The following NMD3 variants were observed in gnomAD, a reference collection of about 807,000 sequenced individuals.
The protein encoded by NMD3 is NMD3 ribosome export adaptor, also known as 60S ribosomal export protein NMD3.
A neutral mutation model predicts 73.1 loss-of-function variants in NMD3; 47 were observed. The observed-to-expected ratio is 0.64, with a 90% CI of 0.51 to 0.82. NMD3 has a LOEUF of 0.82. Ranked by LOEUF, NMD3 falls within the 40% of genes least tolerant of loss-of-function variation. NMD3 has a pLI of 0.00. For synonymous variants in NMD3, 210 were observed against 194.5 expected, an observed-to-expected ratio of 1.08 and a Z score of -0.66; for missense variants, 554 against 612.5, an observed-to-expected ratio of 0.90 and a Z score of 1.01.
chr3:161,248,858 C>T (rs562565425), intron 13 of NMD3, among the ~76,000 whole-genome samples: 66 of 152,082 alleles, frequency 4.3e-4, no homozygotes, highest in Non-Finnish European at 7.6e-4. Context: ...TCAAGGACTC[C>T]GACCACCTGC....
At chr3:161,225,740 A>G (rs1736286189) in intron 3 of NMD3, among the ~76,000 whole-genome samples, 3 of 152,272 alleles carry the variant, frequency 2.0e-5, no homozygotes, top group Non-Finnish European at 1.5e-5. Flanking sequence ...TTGAGTGTGT[A>G]TCTCTAGAGG....
At chr3:161,247,461 G>C (rs927479048) in intron 13 of NMD3, 131 bp downstream of exon 13, 6 of 516,388 alleles carry the variant, frequency 1.2e-5, no homozygotes, top group Non-Finnish European at 2.0e-5. Flanking sequence ...TGCAGATAAG[G>C]TATAATAGCA....
At chr3:161,246,507 C>A in intron 12 of NMD3, 59 bp downstream of exon 12, 3 of 665,338 alleles carry the variant, frequency 4.5e-6, no homozygotes, top group East Asian at 2.7e-5. Flanking sequence ...CTTTGGGAAC[C>A]AGCAAAACTA....
At chr3:161,226,509 G>T (rs1428143610) in intron 3 of NMD3, among the ~76,000 whole-genome samples, 1 of 152,104 alleles carries the variant, frequency 6.6e-6, no homozygotes, top group African/African-American at 2.4e-5. Context: ...GGAGACCTGT[G>T]TAATGTTTTT....
chr3:161,227,174 T>G, intron 3 of NMD3, 73 bp from the exon 4 acceptor site: 1 of 922,394 alleles, frequency 1.1e-6, no homozygotes, highest in Non-Finnish European at 1.7e-6. Context: ...TTGGGTTATA[T>G]CTGTGTATTC....
Position 161,249,531 on chromosome 3 carries a change from G to C in NMD3, c.1281G>C (p.Glu427Asp). Residue 427 changes from glutamate to aspartate, a missense_variant, in exon 14 of 16, where the codon GAG (glutamate) becomes GAC (aspartate). Transcript: ENST00000351193. ...GGAAATTGAAAGAGCTTGCAAGAGA[G>C]AGAGAAAACATGGATACAGATGATG... ...RNWKLKELAR[E>D]RENMDTDDER... 2 of 1,611,668 alleles carry C rather than the reference G, an allele frequency of 1.2e-6. No individual in the cohort carries two copies. The highest frequency in any genetic ancestry group is 1.7e-6 in the Non-Finnish European group (2 of 1,178,088).
At position 161,227,273 on chromosome 3, in the gene NMD3, T is replaced by C. The variant is rs1472064549; in HGVS notation, c.206T>C (p.Ile69Thr). 1.2e-6 allele frequency: 2 copies of C among 1,611,898 alleles called. No individual in the cohort carries two copies. Among genetic ancestry groups the C allele is most frequent in the South Asian group, 1.1e-5 (1 of 90,730 alleles). Residue 69 changes from isoleucine to threonine, a missense_variant, in exon 4 of 16, where the codon ATA becomes ACA. Physicochemically the swap from Ile to Thr is moderately conservative, Grantham distance 89 (BLOSUM62 -1). Coordinates refer to ENST00000351193, the MANE Select transcript of NMD3 (RefSeq NM_015938.5). The part of the protein sequence containing the change: ...QRYFQPPGTW[I>T]QCALESRELL... ...TATTTTCAACCACCAGGAACTTGGA[T>C]ACAGTGTGCTTTAGAATCCAGGGAA... is the stretch of plus-strand genomic sequence containing the variant.
chr3:161,240,356 T>A (rs542704830), intron 9 of NMD3, among the ~76,000 whole-genome samples: 1 of 152,150 alleles, frequency 6.6e-6, no homozygotes, highest in Non-Finnish European at 1.5e-5. Flanking sequence ...TTGAAGTTTA[T>A]TTTTTAATGG....
Position 161,241,218 on chromosome 3 carries a change from A to G in NMD3, c.871+55A>G, listed in dbSNP as rs73026968. ...ATTTTGTTTTGTATGACAAACAATA[A>G]TAATTTGTGTTGTTAATTTTTCAAG... On this transcript the variant is annotated intron_variant, in intron 10 of 15. Transcript: ENST00000351193. 20,903 of 1,008,276 alleles carry G rather than the reference A, an allele frequency of 0.021. 1,325 individuals carry two copies. Among genetic ancestry groups the G allele is most frequent in the African/African-American group, 0.14 (8,747 of 62,272 alleles). The allele number at this position is 1,008,276 out of a possible 1,614,324, so 62.5% of individuals were successfully genotyped here. A position where few individuals can be genotyped will look rare whatever the true frequency, so the allele number is the denominator to read the frequency against.
chr3:161,222,664 G>T (rs1221162468), intron 2 of NMD3, among the ~76,000 whole-genome samples: 3 of 151,528 alleles, frequency 2.0e-5, no homozygotes, highest in Admixed American at 6.6e-5. Context: ...ACTTTTAAAC[G>T]ATAATCCTGG....
intron 7 of NMD3, among the ~76,000 whole-genome samples, chr3:161,236,013 T>A (rs577617617): frequency 1.7e-4 from 26 of 152,180 alleles, no homozygotes; most frequent in African/African-American, 6.3e-4. Flanking sequence ...TTCCCTCAAC[T>A]CTATTTAGTT....
chr3:161,227,756 C>T (rs1463616263), intron 4 of NMD3, among the ~76,000 whole-genome samples: 5 of 152,050 alleles, frequency 3.3e-5, no homozygotes, highest in African/African-American at 7.2e-5. Flanking sequence ...TCGAAAGTAA[C>T]TATTAAATGT....
chr3:161,243,499 C>T (rs9822916), intron 11 of NMD3, among the ~76,000 whole-genome samples: 1 of 152,094 alleles, frequency 6.6e-6, no homozygotes, highest in African/African-American at 2.4e-5. Flanking sequence ...TTGGAGACCA[C>T]TCATTAAATG....
chr3:161,246,544 TA>T, intron 12 of NMD3, 96 bp downstream of exon 12: 1 of 490,614 alleles, frequency 2.0e-6, no homozygotes. Flanking sequence ...TTGTTTATTC[TA>T]AAAAGATCGA....
At position 161,228,909 on chromosome 3, in the gene NMD3, A is replaced by G. The variant is rs373352710; in HGVS notation, c.276+1566A>G. ...GCTAGGAAGAGGATAAGAACTGTGC[A>G]TGGAAGAGTTGAAATTTAAAGTAAG... On this transcript the variant is annotated intron_variant, in intron 4 of 15. Transcript: ENST00000351193. Among the ~76,000 whole-genome samples, 82 of 152,276 alleles carry G rather than the reference A, an allele frequency of 5.4e-4. 1 individual carries two copies. The South Asian group carries it at 0.017, about 31-fold the overall frequency.
intron 11 of NMD3, among the ~76,000 whole-genome samples, chr3:161,245,755 A>ATATATTATATATAGCAGATGTAC (rs1231136192): frequency 2.6e-5 from 4 of 151,898 alleles, no homozygotes; most frequent in Admixed American, 6.6e-5. Context: ...TCTGCTATAT[A>ATATATTATATATAGCAGATGTAC]TATATTATAT....
intron 1 of NMD3, 185 bp downstream of exon 1, chr3:161,221,594 G>C (rs900796911): frequency 1.3e-5 from 2 of 154,014 alleles, no homozygotes; most frequent in Non-Finnish European, 2.9e-5. Flanking sequence ...GACGCCGTCC[G>C]GAGACTCCTG....
intron 7 of NMD3, among the ~76,000 whole-genome samples, chr3:161,236,968 T>C (rs1736781137): frequency 6.6e-6 from 1 of 152,174 alleles, no homozygotes; most frequent in Non-Finnish European, 1.5e-5. Flanking sequence ...AGTTAGTGAG[T>C]TTTGACATTA....
intron 9 of NMD3, among the ~76,000 whole-genome samples, chr3:161,239,737 G>A (rs1736898907): frequency 6.6e-6 from 1 of 152,210 alleles, no homozygotes; most frequent in Non-Finnish European, 1.5e-5. Flanking sequence ...GGGATGAAAT[G>A]ATAGCTTAAA....
Sources: gnomAD v4.1 joint callset for allele counts (sites outside exome capture counted in the v4.1 genomes callset) on GRCh38, gnomAD v4.1.1 for gene constraint, MANE v1.5 for transcripts, NCBI Gene and HGNC (gene_info 2026-07-23, HGNC 2026-07-21) for gene names.